The following GRK5 variants were observed in gnomAD, a reference collection of about 807,000 sequenced individuals.
GRK5 encodes g protein-coupled receptor kinase GRK5.
A neutral mutation model predicts 78.4 loss-of-function variants in GRK5; 40 were observed. That is an observed-to-expected ratio of 0.51 (90% confidence interval 0.40 to 0.66). The LOEUF is 0.66. Among genes scored for constraint, GRK5 ranks in the 30% least tolerant of loss-of-function variants. The pLI is 0.00. For synonymous variants in GRK5, 289 were observed against 296.8 expected, an observed-to-expected ratio of 0.97 and a Z score of 0.27; for missense variants, 598 against 759.9, an observed-to-expected ratio of 0.79 and a Z score of 2.50.
chr10:119,225,621 A>G (rs751147131), intron 1 of GRK5, among the ~76,000 whole-genome samples: 7 of 150,306 alleles, frequency 4.7e-5, no homozygotes, highest in Non-Finnish European at 7.4e-5. Context: ...CTCAGATTTC[A>G]TAGTTTAGGG....
At chr10:119,393,896 G>T (rs1589782789) in intron 3 of GRK5, among the ~76,000 whole-genome samples, 2 of 151,818 alleles carry the variant, frequency 1.3e-5, no homozygotes, top group Admixed American at 1.3e-4. Flanking sequence ...GTATGTGTGT[G>T]TGTAGGGGTG....
rs1564943402 is a variant in GRK5, at chr10:119,455,329, A to G, written c.*262A>G. ...TGCAATAGAAATCCAATTGGATACG[A>G]CAACTTGCACGTATTTTAATAGCGT... is the stretch of plus-strand genomic sequence containing the variant. On this transcript the variant is annotated 3_prime_UTR_variant, in exon 16 of 16. Transcript: ENST00000392870. 1.5e-6 allele frequency: 1 copy of G among 660,636 alleles called. No homozygotes were observed. Among genetic ancestry groups the G allele is most frequent in the Admixed American group, 2.2e-5 (1 of 46,038 alleles). 40.9% of individuals were successfully genotyped at this position (660,636 alleles called of 1,614,324 possible).
chr10:119,326,459 C>T lies in GRK5; in HGVS notation c.53-57C>T, dbSNP rs148332973. On this transcript the variant is annotated intron_variant, in intron 1 of 15. Transcript: ENST00000392870. ...AGGAGGCTGGTGGGCAGGCTCACTG[C>T]GGGGACGCCGCAGGCTCTGGAGCCT... is the stretch of plus-strand genomic sequence containing the variant. The T allele has an allele frequency of 2.0e-5, 29 of 1,443,210 alleles. 1 individual carries two copies. Among genetic ancestry groups the T allele is most frequent in the East Asian group, 1.6e-4 (7 of 43,860 alleles). The allele number at this position is 1,443,210 out of a possible 1,614,324, so 89.4% of individuals were successfully genotyped here.
chr10:119,451,919 G>C (rs939987895), intron 13 of GRK5, among the ~76,000 whole-genome samples: 1 of 152,136 alleles, frequency 6.6e-6, no homozygotes, highest in African/African-American at 2.4e-5. Context: ...GTGTCACCAG[G>C]TCTGGGGATC....
chr10:119,394,269 T>TGGGCAC, intron 3 of GRK5, among the ~76,000 whole-genome samples: 1 of 92,066 alleles, frequency 1.1e-5, no homozygotes, highest in Non-Finnish European at 2.3e-5. Context: ...TCTGTGTGTG[T>TGGGCAC]GTGGGCGTGT....
At chr10:119,358,773 C>T (rs1851308387) in intron 2 of GRK5, among the ~76,000 whole-genome samples, 1 of 152,182 alleles carries the variant, frequency 6.6e-6, no homozygotes, top group African/African-American at 2.4e-5. Context: ...GAGTGGGCGG[C>T]TTAGACAACA....
chr10:119,363,755 A>G (rs1564906067), intron 2 of GRK5, among the ~76,000 whole-genome samples: 3 of 152,224 alleles, frequency 2.0e-5, no homozygotes, highest in African/African-American at 2.4e-5. Flanking sequence ...ACTCAGAACT[A>G]ACTTGGATCT....
intron 2 of GRK5, among the ~76,000 whole-genome samples, chr10:119,361,444 G>A (rs896564890): frequency 9.9e-5 from 15 of 152,220 alleles, no homozygotes; most frequent in Admixed American, 9.2e-4. Context: ...AACCTGCCGC[G>A]TAGTAGGCCT....
chr10:119,308,077 C>T (rs1304322778), intron 1 of GRK5, among the ~76,000 whole-genome samples: 1 of 152,116 alleles, frequency 6.6e-6, no homozygotes, highest in East Asian at 1.9e-4. Context: ...GCACCCATGG[C>T]GGGTCTGCAC....
At chr10:119,382,866 C>T (rs1851735570) in intron 3 of GRK5, among the ~76,000 whole-genome samples, 1 of 152,112 alleles carries the variant, frequency 6.6e-6, no homozygotes, top group South Asian at 2.1e-4. Flanking sequence ...TTCCCACAGT[C>T]TGAATTTTGT....
At position 119,412,324 on chromosome 10, in the gene GRK5, G is replaced by A. The variant is rs949764443; in HGVS notation, c.340-10842G>A. 8.5e-5 allele frequency among the ~76,000 whole-genome samples: 13 copies of A among 152,270 alleles called. No individual in the cohort carries two copies. Among genetic ancestry groups the A allele is most frequent in the Middle Eastern group, 3.4e-3 (1 of 294 alleles). ...TGCCTGGCAGGGCTGTGCCTGGCAC[G>A]GTGCCCGGGCCGTGCAGTCCATCGC... On this transcript the variant is annotated intron_variant, in intron 4 of 15. Coordinates refer to ENST00000392870, the MANE Select transcript of GRK5 (RefSeq NM_005308.3). The surrounding 1 kb of genome is among the most constrained non-coding windows in gnomAD (Gnocchi z 4.3).
intron 1 of GRK5, among the ~76,000 whole-genome samples, chr10:119,291,555 TTCC>T (rs1428958504): frequency 4.8e-4 from 55 of 114,710 alleles, no homozygotes; most frequent in African/African-American, 1.6e-3. Flanking sequence ...CCTCCTCCTC[TTCC>T]TCCTCCTCCT....
chr10:119,291,624 CTCT>C (rs1286360139), intron 1 of GRK5, among the ~76,000 whole-genome samples: 20 of 147,560 alleles, frequency 1.4e-4, no homozygotes, highest in South Asian at 2.2e-4. Context: ...CTTCTTCCTC[CTCT>C]TCCTCCTTCT....
chr10:119,416,014 G>A (rs760019618), intron 4 of GRK5, among the ~76,000 whole-genome samples: 38 of 152,174 alleles, frequency 2.5e-4, no homozygotes, highest in Admixed American at 1.0e-3. Flanking sequence ...AGGGTGACGC[G>A]GGGCAAAGGA....
At chr10:119,386,384 G>A (rs1851794359) in intron 3 of GRK5, among the ~76,000 whole-genome samples, 5 of 152,182 alleles carry the variant, frequency 3.3e-5, no homozygotes, top group Admixed American at 3.3e-4. Flanking sequence ...AGCAGAGTGA[G>A]GCTAAGCCTA....
In GRK5 at chr10:119,339,006, C is replaced by T. The variant is rs148846707; in HGVS notation, c.148+12395C>T. ...GAAAGTCCACTGTCTTTTTGAAGGC[C>T]AGAACACAGCAGCCTGTACAGTGCT... is the stretch of plus-strand genomic sequence containing the variant. On this transcript the variant is annotated intron_variant, in intron 2 of 15. Coordinates refer to ENST00000392870, the MANE Select transcript of GRK5 (RefSeq NM_005308.3). Among the ~76,000 whole-genome samples, 154 of 152,248 alleles carry T rather than the reference C, an allele frequency of 1.0e-3. 2 individuals carry two copies. In the South Asian group the frequency reaches 0.016, roughly 15 times the overall value.
rs184629160 is a variant in GRK5 at position 119,396,634 on chromosome 10, T to A, written c.262-61T>A. ...ATTTCCTCCAGGGGCTGTGAGGTTC[T>A]GTAACTATAAGAAGCTCATGAGCAA... On this transcript the variant is annotated intron_variant, in intron 3 of 15. Transcript: ENST00000392870. 1.7e-4 allele frequency: 237 copies of A among 1,384,962 alleles called. 1 individual carries two copies. In the East Asian group the frequency reaches 5.0e-3, roughly 29 times the overall value. The allele number at this position is 1,384,962 out of a possible 1,614,324, so 85.8% of individuals were successfully genotyped here.
intron 1 of GRK5, among the ~76,000 whole-genome samples, chr10:119,292,911 G>T (rs1030527857): frequency 3.3e-5 from 5 of 151,566 alleles, no homozygotes; most frequent in African/African-American, 1.2e-4. Flanking sequence ...TGCAGAGCCC[G>T]TGGATATGGG....
At chr10:119,428,204 G>C (rs1852741369) in intron 6 of GRK5, among the ~76,000 whole-genome samples, 2 of 152,256 alleles carry the variant, frequency 1.3e-5, no homozygotes, top group African/African-American at 4.8e-5. Flanking sequence ...TCAGGATACA[G>C]AGCATGGGCT....
Sources: gnomAD v4.1 joint callset for allele counts (sites outside exome capture counted in the v4.1 genomes callset) on GRCh38, gnomAD v4.1.1 for gene constraint, Gnocchi (gnomAD v3.1) non-coding constraint, MANE v1.5 for transcripts, NCBI Gene and HGNC (gene_info 2026-07-23, HGNC 2026-07-21) for gene names.